The following FSTL5 variants were observed in gnomAD, a reference collection of about 807,000 sequenced individuals.
The protein encoded by FSTL5 is follistatin like 5.
A neutral mutation model predicts 89.1 loss-of-function variants in FSTL5; 62 were observed. The ratio of observed to expected loss-of-function variants is 0.70; its 90% CI spans 0.57 to 0.86. FSTL5 has a LOEUF of 0.86. Among genes scored for constraint, FSTL5 ranks in the 40% least tolerant of loss-of-function variants. The pLI is 0.00. For missense variants in FSTL5, 1,057 were observed against 1,001.6 expected (o/e 1.06, Z -0.75); for synonymous variants, 383 against 346.2 (o/e 1.11, Z -1.18).
intron 8 of FSTL5, among the ~76,000 whole-genome samples, chr4:161,572,672 A>T (rs1017903028): frequency 5.3e-5 from 8 of 152,172 alleles, no homozygotes; most frequent in Admixed American, 2.0e-4. Context: ...AATTTATCTC[A>T]TGTACAAGTA....
At chr4:161,628,023 C>T (rs1428859798) in intron 7 of FSTL5, among the ~76,000 whole-genome samples, 1 of 152,058 alleles carries the variant, frequency 6.6e-6, no homozygotes, top group Non-Finnish European at 1.5e-5. Context: ...AATTTTGGAA[C>T]CAACAAATCT....
rs79742507 is a variant in FSTL5, at chr4:161,997,207, T to A, written c.160+36418A>T. The stretch of plus-strand genomic sequence containing the variant: ...AGACAAATAAATACATCTAGACACA[T>A]AATTTTCATCACAGAACTTAAACAC... On this transcript the variant is annotated intron_variant, in intron 3 of 15. Transcript: ENST00000306100. 3.9e-3 allele frequency among the ~76,000 whole-genome samples: 587 copies of A among 152,348 alleles called. 2 individuals carry two copies. Among genetic ancestry groups the A allele is most frequent in the African/African-American group, 0.013 (548 of 41,582 alleles).
chr4:161,816,135 G>A (rs1455496495), intron 4 of FSTL5, among the ~76,000 whole-genome samples: 1 of 152,106 alleles, frequency 6.6e-6, no homozygotes, highest in South Asian at 2.1e-4. Context: ...AACTTTCAGG[G>A]TGGGCTCTGA....
At chr4:161,693,290 T>A (rs1738016987) in intron 6 of FSTL5, among the ~76,000 whole-genome samples, 1 of 152,218 alleles carries the variant, frequency 6.6e-6, no homozygotes, top group Non-Finnish European at 1.5e-5. Flanking sequence ...TTATCTGGCT[T>A]TTTTATCAGA....
intron 6 of FSTL5, among the ~76,000 whole-genome samples, chr4:161,734,125 C>T (rs1357798969): frequency 2.0e-5 from 3 of 151,984 alleles, no homozygotes; most frequent in African/African-American, 7.2e-5. Flanking sequence ...AATACAAAAG[C>T]ATTTTAATAG....
intron 15 of FSTL5, among the ~76,000 whole-genome samples, chr4:161,444,378 G>A (rs1732876587): frequency 1.3e-5 from 2 of 151,856 alleles, no homozygotes; most frequent in Admixed American, 6.6e-5. Flanking sequence ...TTTGGAAGAG[G>A]AAAATCAAAC....
At chr4:162,032,810 G>A (rs1052306785) in intron 3 of FSTL5, 1 of 151,820 alleles carries the variant, frequency 6.6e-6, no homozygotes, top group African/African-American at 2.4e-5. Context: ...CACTGAAAAA[G>A]GTAAAAACAG....
chr4:161,574,606 TAC>T (rs1733147159), intron 8 of FSTL5, among the ~76,000 whole-genome samples: 1 of 152,146 alleles, frequency 6.6e-6, no homozygotes, highest in Non-Finnish European at 1.5e-5. Flanking sequence ...AGTGAGAACA[TAC>T]GGTGTTTGGT....
chr4:161,698,502 G>C (rs913736838), intron 6 of FSTL5, among the ~76,000 whole-genome samples: 1 of 152,186 alleles, frequency 6.6e-6, no homozygotes, highest in African/African-American at 2.4e-5. Context: ...AAAATGCTGA[G>C]TGAGTTGATG....
chr4:161,997,601 C>CTT (rs60978465), intron 3 of FSTL5, among the ~76,000 whole-genome samples: 7,832 of 128,898 alleles, frequency 0.061, 508 homozygotes, highest in Non-Finnish European at 0.089. Context: ...TACATGTTAT[C>CTT]TTTTTTTTTT....
At chr4:162,065,305 A>G (rs1176273856) in intron 2 of FSTL5, among the ~76,000 whole-genome samples, 2 of 152,012 alleles carry the variant, frequency 1.3e-5, no homozygotes, top group Non-Finnish European at 2.9e-5. Context: ...CATATATCTG[A>G]TAAACAGTTA....
At chr4:161,736,871 A>T (rs1180502715) in intron 6 of FSTL5, among the ~76,000 whole-genome samples, 1 of 152,042 alleles carries the variant, frequency 6.6e-6, no homozygotes, top group Non-Finnish European at 1.5e-5. Flanking sequence ...ACTCCTGGAA[A>T]TTGTAAATAA....
At chr4:161,445,007 A>G (rs116119393) in intron 15 of FSTL5, among the ~76,000 whole-genome samples, 44 of 152,100 alleles carry the variant, frequency 2.9e-4, no homozygotes, top group African/African-American at 1.0e-3. Context: ...ATGTTTGTTA[A>G]TCACTATTAA....
At position 161,775,950 on chromosome 4, in the gene FSTL5, T is replaced by A. The variant is rs199763858; in HGVS notation, c.534A>T (p.Leu178=). ...PNGDDISRKK[L]LVDQMFKYFD... Reference sequence around the variant, plus strand: ...AATATTTAAACATTTGATCCACCAATAGCTTCTTCCGAGATATGTCGTCGC... The same window carrying A: ...AATATTTAAACATTTGATCCACCAAAAGCTTCTTCCGAGATATGTCGTCGC... Residue 178 remains leucine (L), a synonymous_variant, in exon 5 of 16, where the codon CTA becomes CTT. Transcript: ENST00000306100. The A allele has an allele frequency of 2.5e-6, 4 of 1,608,128 alleles. No homozygotes were observed. The highest frequency in any genetic ancestry group is 2.5e-6 in the Non-Finnish European group (3 of 1,176,794).
At chr4:161,697,638 T>C (rs1297532740) in intron 6 of FSTL5, among the ~76,000 whole-genome samples, 1 of 152,170 alleles carries the variant, frequency 6.6e-6, no homozygotes, top group Non-Finnish European at 1.5e-5. Flanking sequence ...AAAGAAATTG[T>C]GGTATCAATA....
At chr4:161,905,522 T>G (rs1408079887) in intron 4 of FSTL5, among the ~76,000 whole-genome samples, 1 of 123,588 alleles carries the variant, frequency 8.1e-6, no homozygotes, top group East Asian at 2.4e-4. Context: ...CATTTATTTA[T>G]TTATTTGCTT....
intron 3 of FSTL5, among the ~76,000 whole-genome samples, chr4:161,956,616 A>T (rs1735032820): frequency 6.6e-6 from 1 of 151,982 alleles, no homozygotes; most frequent in Non-Finnish European, 1.5e-5. Flanking sequence ...AACAGTATAT[A>T]AATGATTTTT....
At chr4:161,894,552 G>T (rs748375013) in intron 4 of FSTL5, among the ~76,000 whole-genome samples, 1 of 152,006 alleles carries the variant, frequency 6.6e-6, no homozygotes, top group Non-Finnish European at 1.5e-5. Context: ...CTCAATCTTG[G>T]CTCACTGCAA....
chr4:161,444,153 T>C (rs185169274), intron 15 of FSTL5, among the ~76,000 whole-genome samples: 2 of 151,872 alleles, frequency 1.3e-5, no homozygotes, highest in Admixed American at 6.6e-5. Context: ...GCAAAAATGA[T>C]AAATATGGAA....
Sources: gnomAD v4.1 joint callset for allele counts (sites outside exome capture counted in the v4.1 genomes callset) on GRCh38, gnomAD v4.1.1 for gene constraint, MANE v1.5 for transcripts, NCBI Gene and HGNC (gene_info 2026-07-23, HGNC 2026-07-21) for gene names.